The following NEBL variants were observed in gnomAD, a reference collection of about 807,000 sequenced individuals.
NEBL encodes LIM and SH3 protein 2.
A neutral mutation model predicts 140.2 loss-of-function variants in NEBL; 122 were observed. The ratio of observed to expected loss-of-function variants is 0.87; its 90% CI spans 0.75 to 1.01. NEBL has a LOEUF of 1.01. NEBL is among the 50% of genes least tolerant of loss of function. NEBL has a pLI of 0.00. For missense variants in NEBL, 1,365 were observed against 1,231.3 expected, an observed-to-expected ratio of 1.11 and a Z score of -1.62; for synonymous variants, 436 against 398.9, an observed-to-expected ratio of 1.09 and a Z score of -1.11.
At chr10:21,029,741 A>AT in intron 2 of NEBL, 1 of 786,344 alleles carries the variant, frequency 1.3e-6, no homozygotes, top group Non-Finnish European at 2.3e-6. Context: ...CCATGCCGGG[A>AT]TATGGATCGA....
chr10:21,049,373 G>C (rs1421685376), intron 2 of NEBL, among the ~76,000 whole-genome samples: 5 of 152,282 alleles, frequency 3.3e-5, no homozygotes, highest in African/African-American at 1.2e-4. Flanking sequence ...GGAGAAGAAA[G>C]TTTATCAATT....
chr10:21,047,208 C>T (rs143780161), intron 2 of NEBL, among the ~76,000 whole-genome samples: 2 of 152,108 alleles, frequency 1.3e-5, no homozygotes, highest in Non-Finnish European at 2.9e-5. Flanking sequence ...TGTTGATTTA[C>T]TCAAGAACAA....
chr10:20,841,043 A>G (rs1337570294), intron 12 of NEBL, among the ~76,000 whole-genome samples, 194 bp from the exon 13 acceptor site: 2 of 152,050 alleles, frequency 1.3e-5, no homozygotes, highest in Non-Finnish European at 2.9e-5. Flanking sequence ...GTGGCTTCCA[A>G]TATTTTCAGC....
chr10:20,887,407 C>T (rs370863784), intron 4 of NEBL, among the ~76,000 whole-genome samples: 122 of 136,808 alleles, frequency 8.9e-4, no homozygotes, highest in African/African-American at 2.8e-3. Context: ...ATCCTGAATT[C>T]AACCTTTTTT....
At chr10:21,210,098 A>G (rs1841892525) in intron 3 of NEBL, among the ~76,000 whole-genome samples, 1 of 152,130 alleles carries the variant, frequency 6.6e-6, no homozygotes, top group African/African-American at 2.4e-5. Context: ...TCCTTGTAGG[A>G]AAAACATCAT....
At chr10:20,890,520 A>G (rs997967256) in intron 2 of NEBL, among the ~76,000 whole-genome samples, 1 of 152,110 alleles carries the variant, frequency 6.6e-6, no homozygotes, top group Non-Finnish European at 1.5e-5. Flanking sequence ...ATTTATGAGC[A>G]CCCATAGGCT....
intron 2 of NEBL, among the ~76,000 whole-genome samples, chr10:21,128,233 A>G (rs908917198): frequency 3.3e-5 from 5 of 152,184 alleles, no homozygotes; most frequent in Non-Finnish European, 1.5e-5. Flanking sequence ...TAAGACATGT[A>G]TGTTTGAAGA....
chr10:20,804,190 A>C (rs1415097772), intron 26 of NEBL: 1 of 152,182 alleles, frequency 6.6e-6, no homozygotes, highest in Non-Finnish European at 1.5e-5. Context: ...ACCAGGTGCT[A>C]TGAAGGAAAA....
chr10:20,993,587 C>A (rs147305131), intron 3 of NEBL, among the ~76,000 whole-genome samples: 4 of 152,284 alleles, frequency 2.6e-5, no homozygotes, highest in African/African-American at 9.6e-5. Flanking sequence ...GGCAGCTATA[C>A]AGAACATGTT....
At chr10:20,990,450 T>C (rs554513481) in intron 3 of NEBL, among the ~76,000 whole-genome samples, 25 of 152,208 alleles carry the variant, frequency 1.6e-4, no homozygotes, top group Admixed American at 9.8e-4. Flanking sequence ...GCTCTCTCTC[T>C]CTCTACCATG....
intron 12 of NEBL, 105 bp downstream of exon 12, chr10:20,845,153 C>G (rs751641043): frequency 3.4e-4 from 241 of 705,360 alleles, no homozygotes; most frequent in Non-Finnish European, 5.4e-4. Context: ...AAGAGTAATG[C>G]CTTAATATCT....
intron 2 of NEBL, among the ~76,000 whole-genome samples, chr10:21,102,696 C>T (rs561284031): frequency 2.4e-4 from 36 of 152,210 alleles, no homozygotes; most frequent in African/African-American, 8.2e-4. Context: ...ATGAGTATAA[C>T]AAAATTTAAC....
chr10:20,990,512 C>T (rs1837418003), intron 3 of NEBL, among the ~76,000 whole-genome samples: 1 of 152,128 alleles, frequency 6.6e-6, no homozygotes, highest in Admixed American at 6.5e-5. Context: ...AGGGCCCTCA[C>T]CAGACACCAG....
chr10:20,975,610 A>G (rs891484106), intron 3 of NEBL, among the ~76,000 whole-genome samples: 1 of 152,204 alleles, frequency 6.6e-6, no homozygotes, highest in Non-Finnish European at 1.5e-5. Context: ...GTTCTTTCAG[A>G]GTATAACGAA....
chr10:21,005,958 T>C (rs948363796), intron 3 of NEBL, among the ~76,000 whole-genome samples: 2 of 152,048 alleles, frequency 1.3e-5, no homozygotes, highest in Non-Finnish European at 2.9e-5. Flanking sequence ...TACCTATACA[T>C]ATATTCCTAA....
intron 3 of NEBL, among the ~76,000 whole-genome samples, chr10:21,009,582 A>G (rs1838257969): frequency 6.6e-6 from 1 of 152,222 alleles, no homozygotes; most frequent in Non-Finnish European, 1.5e-5. Flanking sequence ...CTCTTCCAAC[A>G]TTTTGTAATG....
rs1277539796 is a variant in NEBL at position 21,239,940 on chromosome 10, C to T, written n.348+7981G>A. Among the ~76,000 whole-genome samples the T allele has an allele frequency of 3.3e-5, 5 of 151,512 alleles. No individual in the cohort carries two copies. In the South Asian group the frequency reaches 6.2e-4, roughly 19 times the overall value. On this transcript the variant is annotated intron_variant and non_coding_transcript_variant, in intron 3 of 8. Transcript: ENST00000675702. ...CTGAGGCAGGAGAATGGCATGAACC[C>T]GGGAGGCAGAGCTTGCAGTGAGCCG... is the stretch of plus-strand genomic sequence containing the variant.
At chr10:21,220,442 C>T (rs552572668) in intron 3 of NEBL, among the ~76,000 whole-genome samples, 1 of 152,232 alleles carries the variant, frequency 6.6e-6, no homozygotes, top group East Asian at 1.9e-4. Flanking sequence ...ACTAGATATC[C>T]ACATGCAGAA....
chr10:20,893,157 T>C (rs898638246), intron 2 of NEBL, among the ~76,000 whole-genome samples: 1 of 152,200 alleles, frequency 6.6e-6, no homozygotes, highest in Admixed American at 6.5e-5. Flanking sequence ...TGCAGAAGGC[T>C]CTTTCTGCCT....
Sources: gnomAD v4.1 joint callset for allele counts (sites outside exome capture counted in the v4.1 genomes callset) on GRCh38, gnomAD v4.1.1 for gene constraint, MANE v1.5 for transcripts, NCBI Gene and HGNC (gene_info 2026-07-23, HGNC 2026-07-21) for gene names.